The following NRXN3 variants were observed in gnomAD, a reference collection of about 807,000 sequenced individuals.
NRXN3 encodes neurexin III.
Under a neutral mutation model 137.6 loss-of-function variants are expected in NRXN3, and 32 were observed. That is an observed-to-expected ratio of 0.23 (90% CI 0.18 to 0.31). The LOEUF is 0.31. Among genes scored for constraint, NRXN3 ranks in the 10% least tolerant of loss-of-function variants. The pLI is 1.00. For synonymous variants in NRXN3, 798 were observed against 784.5 expected (o/e 1.02, Z -0.29); for missense variants, 1,574 against 2,062.5 (o/e 0.76, Z 4.59).
At chr14:78,830,670 T>A (rs1267119127) in intron 10 of NRXN3, among the ~76,000 whole-genome samples, 1 of 151,992 alleles carries the variant, frequency 6.6e-6, no homozygotes, top group African/African-American at 2.4e-5. Flanking sequence ...TATTTAATAA[T>A]AAAATAGTAT....
Position 79,863,808 on chromosome 14 carries a change from A to G in NRXN3, c.*1844A>G, listed in dbSNP as rs1298091135. On this transcript the variant is annotated 3_prime_UTR_variant, in exon 21 of 21. Transcript: ENST00000335750. ...GGGTCAGATATACAATTTCTTTTGTACAGATGAAAATCAATCAGCTGCTTA... is the reference window on the plus strand; with the variant it reads ...GGGTCAGATATACAATTTCTTTTGTGCAGATGAAAATCAATCAGCTGCTTA... 6.6e-6 allele frequency: 1 copy of G among 152,654 alleles called. No individual in the cohort carries two copies. The highest frequency in any genetic ancestry group is 6.5e-5 in the Admixed American group (1 of 15,284). 9.5% of individuals were successfully genotyped at this position (152,654 alleles called of 1,614,324 possible). A position where few individuals can be genotyped will look rare whatever the true frequency, so the allele number is the denominator to read the frequency against.
intron 15 of NRXN3, among the ~76,000 whole-genome samples, chr14:79,343,050 G>A (rs1348053517): frequency 6.6e-6 from 1 of 152,152 alleles, no homozygotes; most frequent in Admixed American, 6.5e-5. Context: ...GTTCCTGGGT[G>A]TGGTGGCAGA....
At chr14:79,105,750 G>T (rs962788144) in intron 15 of NRXN3, among the ~76,000 whole-genome samples, 2 of 152,106 alleles carry the variant, frequency 1.3e-5, no homozygotes, top group African/African-American at 4.8e-5. Flanking sequence ...GAGAAACACA[G>T]GTTTCTAATT....
intron 19 of NRXN3, among the ~76,000 whole-genome samples, chr14:79,734,351 T>C (rs1418444455): frequency 1.3e-5 from 2 of 152,174 alleles, no homozygotes; most frequent in African/African-American, 2.4e-5. Flanking sequence ...ATGACTGAAC[T>C]GTCATGACAT....
chr14:79,307,786 C>T (rs1031663472), intron 15 of NRXN3, among the ~76,000 whole-genome samples: 4 of 152,012 alleles, frequency 2.6e-5, no homozygotes, highest in Non-Finnish European at 5.9e-5. Flanking sequence ...CTCTCTTTCT[C>T]TCTTTCTTTA....
intron 1 of NRXN3, among the ~76,000 whole-genome samples, chr14:78,196,493 C>T (rs949778280): frequency 5.3e-5 from 8 of 152,198 alleles, no homozygotes; most frequent in South Asian, 2.1e-4. Flanking sequence ...AGACCAGCTG[C>T]GGTCTCTGCG....
At chr14:78,802,922 G>A (rs1325011830) in intron 8 of NRXN3, among the ~76,000 whole-genome samples, 3 of 152,170 alleles carry the variant, frequency 2.0e-5, no homozygotes, top group African/African-American at 4.8e-5. Context: ...CTCCAGCCTA[G>A]GCAACAGAGT....
intron 16 of NRXN3, among the ~76,000 whole-genome samples, chr14:79,596,628 G>GCT (rs2097861277): frequency 6.6e-6 from 1 of 152,150 alleles, no homozygotes; most frequent in African/African-American, 2.4e-5. Context: ...TAGGGCGAGA[G>GCT]AGCTTTATCA....
At chr14:78,655,906 G>A (rs2097780737) in intron 6 of NRXN3, among the ~76,000 whole-genome samples, 1 of 152,094 alleles carries the variant, frequency 6.6e-6, no homozygotes, top group African/African-American at 2.4e-5. Flanking sequence ...GCAAATTGCT[G>A]TTTTCTTATT....
chr14:79,558,114 T>G (rs536035215), intron 16 of NRXN3, among the ~76,000 whole-genome samples: 53 of 152,266 alleles, frequency 3.5e-4, no homozygotes, highest in Admixed American at 2.2e-3. Flanking sequence ...CAGGCTCTAC[T>G]TCTAGTTACC....
intron 15 of NRXN3, among the ~76,000 whole-genome samples, chr14:79,430,688 G>T (rs1191673460): frequency 6.6e-6 from 1 of 152,176 alleles, no homozygotes; most frequent in Non-Finnish European, 1.5e-5. Flanking sequence ...CACTGCAATA[G>T]GAAGGTGATC....
At position 79,185,506 on chromosome 14, in the gene NRXN3, C is replaced by T. The variant is rs568445664; in HGVS notation, c.3262+197365C>T. Among the ~76,000 whole-genome samples, 20 of 147,218 alleles carry T rather than the reference C, an allele frequency of 1.4e-4. No homozygotes were observed. In the East Asian group the frequency reaches 4.0e-3, roughly 29 times the overall value. On this transcript the variant is annotated intron_variant, in intron 15 of 20. Coordinates refer to ENST00000335750, the MANE Select transcript of NRXN3 (RefSeq NM_001330195.2). ...TTTTAGATGGAGTCTTGCACTGTTG[C>T]CCAGGCTGGAGTGCAGTGGCACAAT...
chr14:78,859,472 T>C (rs560763437), intron 10 of NRXN3, among the ~76,000 whole-genome samples: 1 of 152,218 alleles, frequency 6.6e-6, no homozygotes, highest in African/African-American at 2.4e-5. Flanking sequence ...GAGCTCGCAG[T>C]TGACCTGTAT....
At chr14:79,463,322 G>T (rs2096377401) in intron 15 of NRXN3, among the ~76,000 whole-genome samples, 1 of 152,052 alleles carries the variant, frequency 6.6e-6, no homozygotes, top group Non-Finnish European at 1.5e-5. Flanking sequence ...AAGACTGTTT[G>T]ATCCTTTTCT....
At chr14:79,181,881 G>T (rs997959603) in intron 15 of NRXN3, among the ~76,000 whole-genome samples, 12 of 151,972 alleles carry the variant, frequency 7.9e-5, no homozygotes, top group African/African-American at 2.9e-4. Flanking sequence ...CCCCACCATA[G>T]GTTTCTCTCT....
intron 15 of NRXN3, among the ~76,000 whole-genome samples, chr14:79,295,624 C>G (rs371692319): frequency 1.3e-5 from 2 of 152,106 alleles, no homozygotes; most frequent in East Asian, 3.9e-4. Flanking sequence ...TTTCATAAAT[C>G]TTGCTGAGTA....
intron 1 of NRXN3, among the ~76,000 whole-genome samples, chr14:78,206,061 A>G (rs2062156241): frequency 6.6e-6 from 1 of 152,200 alleles, no homozygotes; most frequent in Non-Finnish European, 1.5e-5. Flanking sequence ...GCAAATGTGG[A>G]GGCTGCTGGG....
intron 15 of NRXN3, among the ~76,000 whole-genome samples, chr14:79,373,566 T>C (rs1013931127): frequency 1.3e-5 from 2 of 152,238 alleles, no homozygotes; most frequent in African/African-American, 2.4e-5. Context: ...TTGATTCTTT[T>C]GCATCTGGAT....
chr14:79,392,656 A>T (rs1308801589), intron 15 of NRXN3, among the ~76,000 whole-genome samples: 1 of 152,126 alleles, frequency 6.6e-6, no homozygotes, highest in Non-Finnish European at 1.5e-5. Flanking sequence ...ATCTCATGCC[A>T]GTTAGGATGG....
Sources: allele counts gnomAD v4.1 joint callset (sites outside exome capture counted in the v4.1 genomes callset), GRCh38; gene constraint gnomAD v4.1.1; transcripts MANE v1.5; gene names NCBI Gene and HGNC (gene_info 2026-07-23, HGNC 2026-07-21).